VOPP1: variants seen among roughly 807,000 people sequenced by gnomAD.
VOPP1 encodes WW domain binding protein VOPP1.
VOPP1 carries 8 observed loss-of-function variants against 23.5 expected under a neutral mutation model. The observed-to-expected ratio is 0.34, with a 90% CI of 0.20 to 0.61. The LOEUF is 0.61. Among genes scored for constraint, VOPP1 ranks in the 20% least tolerant of loss-of-function variants. VOPP1 has a pLI of 0.78. For synonymous variants in VOPP1, 83 were observed against 97.3 expected (o/e 0.85, Z 0.86); for missense variants, 174 against 238.1 (o/e 0.73, Z 1.77).
chr7:55,541,188 T>C (rs1797118170), intron 1 of VOPP1, among the ~76,000 whole-genome samples: 1 of 152,252 alleles, frequency 6.6e-6, no homozygotes, highest in Non-Finnish European at 1.5e-5. Flanking sequence ...GTGGCAATAC[T>C]TGCATAACTC....
chr7:55,450,725 T>A (rs557373123), intron 4 of VOPP1, among the ~76,000 whole-genome samples: 50 of 152,248 alleles, frequency 3.3e-4, no homozygotes, highest in Non-Finnish European at 5.1e-4. Flanking sequence ...AGCTTTAAAG[T>A]AAGATGCAAA....
rs1791902274 is a variant in VOPP1, at chr7:55,472,609, A to AC, written c.*245dup. ...ACCGTAAGGACGTCAGCCCTCGGGG[A>AC]CTGTCACCACACTACCATGTGAGAG... On this transcript the variant is annotated 3_prime_UTR_variant, in exon 5 of 5. Transcript: ENST00000285279. 5.7e-6 allele frequency: 1 copy of AC among 174,438 alleles called. No individual in the cohort carries two copies. Among genetic ancestry groups the AC allele is most frequent in the Non-Finnish European group, 1.0e-5 (1 of 97,954 alleles). The allele number at this position is 174,438 out of a possible 1,614,324, so 10.8% of individuals were successfully genotyped here. A position where few individuals can be genotyped will look rare whatever the true frequency, so the allele number is the denominator to read the frequency against.
At chr7:55,561,697 GAAAAA>G (rs10548276) in intron 1 of VOPP1, among the ~76,000 whole-genome samples, 3 of 93,816 alleles carry the variant, frequency 3.2e-5, no homozygotes, top group Non-Finnish European at 6.3e-5. Flanking sequence ...ACTCTGTCTG[GAAAAA>G]AAAAAAAAAA....
chr7:55,528,546 G>T (rs754111807), intron 1 of VOPP1, among the ~76,000 whole-genome samples: 1 of 152,106 alleles, frequency 6.6e-6, no homozygotes, highest in African/African-American at 2.4e-5. Flanking sequence ...TTAGCTGGGC[G>T]TGGTGGCGCA....
chr7:55,523,288 T>C (rs996658275), intron 1 of VOPP1, among the ~76,000 whole-genome samples: 1 of 152,178 alleles, frequency 6.6e-6, no homozygotes, highest in African/African-American at 2.4e-5. Context: ...ACGTGTACAT[T>C]TGGCCTGCTT....
chr7:55,436,688 G>A (rs1467257975), intron 4 of VOPP1, among the ~76,000 whole-genome samples: 1 of 151,994 alleles, frequency 6.6e-6, no homozygotes. Flanking sequence ...GTGTGTGCAT[G>A]TGCATGCGTG....
At chr7:55,445,006 G>C (rs1791059832) in intron 4 of VOPP1, among the ~76,000 whole-genome samples, 1 of 152,158 alleles carries the variant, frequency 6.6e-6, no homozygotes, top group African/African-American at 2.4e-5. Context: ...TATGTAAAAA[G>C]AGGAGGAGCC....
chr7:55,562,188 T>A, intron 1 of VOPP1: 1 of 667,830 alleles, frequency 1.5e-6, no homozygotes, highest in Non-Finnish European at 2.7e-6. Flanking sequence ...AGGGCGCTCC[T>A]CCATACTGCT....
intron 3 of VOPP1, chr7:55,493,125 A>C (rs1314057021): frequency 6.6e-6 from 1 of 152,246 alleles, no homozygotes; most frequent in Non-Finnish European, 1.5e-5. Flanking sequence ...ATTGACTATC[A>C]CTTCATCAGC....
intron 4 of VOPP1, among the ~76,000 whole-genome samples, chr7:55,479,933 CCTA>C (rs539567111): frequency 0.012 from 1,755 of 152,262 alleles, 12 homozygotes; most frequent in Middle Eastern, 0.02. Context: ...CTCTTCAGCA[CCTA>C]CTGAGACAAT....
intron 4 of VOPP1, among the ~76,000 whole-genome samples, chr7:55,438,475 G>A (rs1790885753): frequency 6.6e-6 from 1 of 152,172 alleles, no homozygotes; most frequent in African/African-American, 2.4e-5. Context: ...GAGACTGATG[G>A]TGGGAGGTAC....
intron 2 of VOPP1, among the ~76,000 whole-genome samples, chr7:55,513,421 C>G (rs1286803022): frequency 6.6e-6 from 1 of 152,214 alleles, no homozygotes; most frequent in Non-Finnish European, 1.5e-5. Context: ...CTCCTTTGAG[C>G]TTGGCAGTGT....
chr7:55,506,894 T>A (rs900270521), intron 2 of VOPP1, among the ~76,000 whole-genome samples: 1 of 152,202 alleles, frequency 6.6e-6, no homozygotes, highest in Non-Finnish European at 1.5e-5. Context: ...CCACCTCAGC[T>A]TCTCAAACTG....
intron 4 of VOPP1, among the ~76,000 whole-genome samples, chr7:55,463,016 A>G (rs1791543659): frequency 6.6e-6 from 1 of 152,112 alleles, no homozygotes; most frequent in South Asian, 2.1e-4. Flanking sequence ...TACTCAGATC[A>G]TAAGTTGTTT....
chr7:55,441,098 TTTTCTG>T (rs1790953742), intron 4 of VOPP1, among the ~76,000 whole-genome samples: 1 of 152,214 alleles, frequency 6.6e-6, no homozygotes, highest in Admixed American at 6.5e-5. Flanking sequence ...ATTGGGACCA[TTTTCTG>T]TTTCTAAGAC....
At chr7:55,570,281 C>A (rs529293226) in intron 1 of VOPP1, among the ~76,000 whole-genome samples, 26 of 152,296 alleles carry the variant, frequency 1.7e-4, no homozygotes, top group Non-Finnish European at 2.9e-4. Context: ...CTCAGAGAGA[C>A]GCCTCTCCAG....
chr7:55,469,601 A>G (rs1000042283), downstream of VOPP1, among the ~76,000 whole-genome samples: 1 of 152,152 alleles, frequency 6.6e-6, no homozygotes, highest in Non-Finnish European at 1.5e-5. Flanking sequence ...AGAATAACAG[A>G]GTTGGGAGCA....
At chr7:55,534,348 C>G (rs1169282237) in intron 1 of VOPP1, among the ~76,000 whole-genome samples, 1 of 152,170 alleles carries the variant, frequency 6.6e-6, no homozygotes, top group Non-Finnish European at 1.5e-5. Context: ...CGGGTCTCAG[C>G]TAGTGCAAGG....
chr7:55,539,885 A>C (rs1439810362), intron 1 of VOPP1, among the ~76,000 whole-genome samples: 1 of 145,560 alleles, frequency 6.9e-6, no homozygotes, highest in Non-Finnish European at 1.5e-5. Flanking sequence ...AAACGGGCGC[A>C]TAACATAAGC....
Sources: gnomAD v4.1 joint callset for allele counts (sites outside exome capture counted in the v4.1 genomes callset) on GRCh38, gnomAD v4.1.1 for gene constraint, MANE v1.5 for transcripts, NCBI Gene and HGNC (gene_info 2026-07-23, HGNC 2026-07-21) for gene names.